BTBD7: variants seen among roughly 807,000 people sequenced by gnomAD.
BTBD7 encodes BTB domain containing 7.
A neutral mutation model predicts 99.9 loss-of-function variants in BTBD7; 38 were observed. The observed-to-expected ratio is 0.38, with a 90% CI of 0.29 to 0.50. BTBD7 has a LOEUF of 0.50. BTBD7 is among the 20% of genes least tolerant of loss of function. The pLI, the probability that BTBD7 is intolerant of heterozygous loss-of-function variation, is 0.93. For synonymous variants in BTBD7, 520 were observed against 511.4 expected (o/e 1.02, Z -0.23); for missense variants, 1,170 against 1,394.6 (o/e 0.84, Z 2.57).
At chr14:93,331,092 A>G (rs1325658175) in intron 1 of BTBD7, among the ~76,000 whole-genome samples, 1 of 152,148 alleles carries the variant, frequency 6.6e-6, no homozygotes, top group African/African-American at 2.4e-5. Context: ...GTTTTTATTA[A>G]GTTCAGGTTA....
chr14:93,243,014 C>A lies in BTBD7; in HGVS notation c.2658G>T (p.Arg886Ser). ...VGVSTLSLKDRRLPELAVDTE... is the reference protein window; with the variant it reads ...VGVSTLSLKDSRLPELAVDTE... ...TGTCTACAGCAAGCTCTGGAAGCCT[C>A]CTGTCCTTGAGTGACAGTGTGGACA... The change falls in exon 11 of 11, where the codon AGG becomes AGT. Residue 886 changes from arginine to serine, a missense_variant. Physicochemically the swap from Arg to Ser is moderately radical, Grantham distance 110. Coordinates refer to ENST00000334746, the MANE Select transcript of BTBD7 (RefSeq NM_001002860.4). The A allele has an allele frequency of 6.2e-7, 1 of 1,614,100 alleles. No homozygotes were observed. Among genetic ancestry groups the A allele is most frequent in the South Asian group, 1.1e-5 (1 of 91,066 alleles).
Position 93,242,033 on chromosome 14 carries a change from TA to T in BTBD7, c.*239del. 2.0e-6 allele frequency: 1 copy of T among 493,026 alleles called. No individual in the cohort carries two copies. The highest frequency in any genetic ancestry group is 3.5e-6 in the Non-Finnish European group (1 of 282,216). 30.5% of individuals were successfully genotyped at this position (493,026 alleles called of 1,614,324 possible). ...TAAAAAGTGCCAGCCTGCTTGTTCT[TA>T]AAAATGCCTCCCGACATAATTGTTC... On this transcript the variant is annotated 3_prime_UTR_variant, in exon 11 of 11. Coordinates refer to ENST00000334746, the MANE Select transcript of BTBD7 (RefSeq NM_001002860.4).
intron 3 of BTBD7, among the ~76,000 whole-genome samples, chr14:93,278,257 AC>A (rs1243032241): frequency 4.6e-5 from 7 of 151,630 alleles, no homozygotes; most frequent in African/African-American, 1.7e-4. Flanking sequence ...TATTAAAAAC[AC>A]AAAAAATTAG....
intron 1 of BTBD7, among the ~76,000 whole-genome samples, chr14:93,306,072 T>C (rs765720989): frequency 2.0e-5 from 3 of 152,200 alleles, no homozygotes; most frequent in Non-Finnish European, 4.4e-5. Context: ...CAGCAAATCA[T>C]AGTAGACATC....
At chr14:93,304,408 G>A (rs1320750619) in intron 1 of BTBD7, among the ~76,000 whole-genome samples, 2 of 152,226 alleles carry the variant, frequency 1.3e-5, no homozygotes, top group African/African-American at 4.8e-5. Flanking sequence ...CTGGAGTGCA[G>A]TGGCGCAATC....
chr14:93,264,364 T>C (rs984140295), intron 3 of BTBD7, among the ~76,000 whole-genome samples: 5 of 152,120 alleles, frequency 3.3e-5, no homozygotes, highest in African/African-American at 1.2e-4. Context: ...AGGAAGGAAG[T>C]GGATGACACC....
Position 93,248,541 on chromosome 14 carries a change from A to G in BTBD7, c.2056T>C (p.Tyr686His). 1 of 1,614,194 alleles carries G rather than the reference A, an allele frequency of 6.2e-7. No homozygotes were observed. Among genetic ancestry groups the G allele is most frequent in the Non-Finnish European group, 8.5e-7 (1 of 1,180,044 alleles). The stretch of plus-strand genomic sequence containing the variant: ...CTTAGCACTCGAATCTGAATTTCAT[A>G]GCTGACAGTGGCGCCTTCCCCGCAG... ...LNCGEGATVS[Y>H]EIQIRVLREF... Residue 686 changes from tyrosine (Y) to histidine (H), a missense_variant, in exon 9 of 11, where the codon TAT becomes CAT. Tyr to His is a moderately conservative substitution (Grantham distance 83). Coordinates refer to ENST00000334746, the MANE Select transcript of BTBD7 (RefSeq NM_001002860.4).
chr14:93,244,855 C>CTTTTT (rs58775665), intron 10 of BTBD7, among the ~76,000 whole-genome samples: 18 of 107,422 alleles, frequency 1.7e-4, no homozygotes, highest in African/African-American at 5.2e-4. Flanking sequence ...TCTTACAAAT[C>CTTTTT]TTTTTTTTTT....
chr14:93,301,193 A>G (rs977760249), intron 1 of BTBD7, among the ~76,000 whole-genome samples: 3 of 151,452 alleles, frequency 2.0e-5, no homozygotes, highest in Non-Finnish European at 4.4e-5. Context: ...TGTCTTTCCA[A>G]ATTTTTTTTT....
chr14:93,290,251 C>T lies in BTBD7; in HGVS notation c.1162+3607G>A, dbSNP rs539360151. Among the ~76,000 whole-genome samples the T allele has an allele frequency of 1.1e-4, 16 of 151,224 alleles. No individual in the cohort carries two copies. The South Asian group carries it at 2.9e-3, about 28-fold the overall frequency. On this transcript the variant is annotated intron_variant, in intron 3 of 10. Transcript: ENST00000334746. The stretch of plus-strand genomic sequence containing the variant: ...TTTTTGAGACGCAGTCTCACTCCGT[C>T]GCCCAGGTTGGAGTGCAGTGGTGCG...
At chr14:93,287,996 TA>T (rs1402560419) in intron 3 of BTBD7, 1 of 153,082 alleles carries the variant, frequency 6.5e-6, no homozygotes, top group Non-Finnish European at 1.5e-5. Context: ...ATTTTGTGTT[TA>T]AAATAATTTT....
intron 6 of BTBD7, chr14:93,256,622 T>C (rs2052433365): frequency 6.6e-6 from 1 of 152,332 alleles, no homozygotes. Context: ...TTCTACCATG[T>C]TGGCCAGGCT....
intron 3 of BTBD7, among the ~76,000 whole-genome samples, chr14:93,290,479 T>TG (rs1465399757): frequency 1.3e-5 from 2 of 149,760 alleles, no homozygotes; most frequent in Non-Finnish European, 3.0e-5. Flanking sequence ...CCCAAAGTGC[T>TG]GGGGTTACAG....
intron 1 of BTBD7, among the ~76,000 whole-genome samples, chr14:93,320,163 GT>G (rs1186217806): frequency 2.0e-5 from 3 of 152,306 alleles, no homozygotes; most frequent in South Asian, 2.1e-4. Context: ...GTCTGAAAAG[GT>G]AAGTGTGAGA....
chr14:93,276,241 C>T (rs766196023), intron 3 of BTBD7, among the ~76,000 whole-genome samples: 1 of 152,108 alleles, frequency 6.6e-6, no homozygotes, highest in Non-Finnish European at 1.5e-5. Flanking sequence ...AAGATTTTCC[C>T]GCAAGAGCTA....
rs371727621 is a variant in BTBD7 at position 93,259,003 on chromosome 14, A to G, written c.1448-1648T>C. 2.0e-5 allele frequency among the ~76,000 whole-genome samples: 3 copies of G among 152,234 alleles called. 1 individual carries two copies. The highest frequency in any genetic ancestry group is 1.9e-4 in the East Asian group (1 of 5,198). On this transcript the variant is annotated intron_variant, in intron 5 of 10. Coordinates refer to ENST00000334746, the MANE Select transcript of BTBD7 (RefSeq NM_001002860.4). The stretch of plus-strand genomic sequence containing the variant: ...ACATCACTGAACAAGCTTATGGTCT[A>G]TAACATTTACACAGAGTTATATACA...
Position 93,240,426 on chromosome 14 carries a change from G to T in BTBD7, c.*1847C>A, listed in dbSNP as rs1178836500. The T allele has an allele frequency of 6.6e-6, 1 of 152,656 alleles. No homozygotes were observed. Among genetic ancestry groups the T allele is most frequent in the Non-Finnish European group, 1.5e-5 (1 of 68,040 alleles). The allele number at this position is 152,656 out of a possible 1,614,324, so 9.5% of individuals were successfully genotyped here. ...TATAGTTTTGGGAGAAATCAGCGTT[G>T]TTGACACCCAATAGAAAACCTATTT... On this transcript the variant is annotated 3_prime_UTR_variant, in exon 11 of 11. Transcript: ENST00000334746.
chr14:93,331,417 T>A (rs2053405633), intron 1 of BTBD7, among the ~76,000 whole-genome samples: 1 of 152,184 alleles, frequency 6.6e-6, no homozygotes, highest in Non-Finnish European at 1.5e-5. Flanking sequence ...CACCTTTAGA[T>A]CTCTAAAAGT....
In BTBD7 at chr14:93,261,626, A is replaced by G. The variant is rs2052490026; in HGVS notation, c.1423T>C (p.Leu475=). ...KYLIKWGEHQ[L]MKRIADREPN... is the part of the protein sequence containing the mutation. ...CCTCTATCTGCTATTCTTTTCATCAACTGATGCTCTCCCCATTTAATCAGA... is the reference window on the plus strand; with the variant it reads ...CCTCTATCTGCTATTCTTTTCATCAGCTGATGCTCTCCCCATTTAATCAGA... The change falls in exon 5 of 11, where the codon TTG becomes CTG. Residue 475 remains leucine, a synonymous_variant. Transcript: ENST00000334746. The G allele has an allele frequency of 3.1e-6, 5 of 1,612,168 alleles. No homozygotes were observed. Among genetic ancestry groups the G allele is most frequent in the Middle Eastern group, 1.7e-4 (1 of 6,056 alleles).
Sources: gnomAD v4.1 joint callset for allele counts (sites outside exome capture counted in the v4.1 genomes callset) on GRCh38, gnomAD v4.1.1 for gene constraint, MANE v1.5 for transcripts, NCBI Gene and HGNC (gene_info 2026-07-23, HGNC 2026-07-21) for gene names.